The following ADAMTS14 variants were observed in gnomAD, a reference collection of about 807,000 sequenced individuals.
ADAMTS14 encodes ADAM metallopeptidase with thrombospondin type 1 motif 14.
In ADAMTS14, 100 loss-of-function variants were observed where a neutral mutation model predicts 128.6. That is an observed-to-expected ratio of 0.78 (90% CI 0.66 to 0.92). ADAMTS14 has a LOEUF of 0.92. Among genes scored for constraint, ADAMTS14 ranks in the 40% least tolerant of loss-of-function variants. ADAMTS14 has a pLI of 0.00. For synonymous variants in ADAMTS14, 665 were observed against 653.8 expected, an observed-to-expected ratio of 1.02 and a Z score of -0.26; for missense variants, 1,562 against 1,658.6, an observed-to-expected ratio of 0.94 and a Z score of 1.01.
intron 4 of ADAMTS14, among the ~76,000 whole-genome samples, chr10:70,726,546 C>T (rs1841434467): frequency 6.6e-6 from 1 of 152,204 alleles, no homozygotes; most frequent in African/African-American, 2.4e-5. Context: ...GCAGAGCGTG[C>T]ATTGCCTGTG....
rs543997377 is a variant in ADAMTS14, at chr10:70,742,201, T to C, written c.1924+1039T>C. On this transcript the variant is annotated intron_variant, in intron 12 of 21. Coordinates refer to ENST00000373207, the MANE Select transcript of ADAMTS14 (RefSeq NM_080722.4). ...GGGGAGCTCACCACTCCCTTCGCACTGTTGCTGCCCAGAGAGCTTCCGTTG... is the reference window on the plus strand; with the variant it reads ...GGGGAGCTCACCACTCCCTTCGCACCGTTGCTGCCCAGAGAGCTTCCGTTG... Among the ~76,000 whole-genome samples the C allele has an allele frequency of 1.0e-3, 156 of 152,272 alleles. 1 individual carries two copies. The highest frequency in any genetic ancestry group is 3.6e-3 in the African/African-American group (151 of 41,560).
At chr10:70,731,888 C>T (rs1426836523) in intron 6 of ADAMTS14, among the ~76,000 whole-genome samples, 1 of 152,160 alleles carries the variant, frequency 6.6e-6, no homozygotes. Flanking sequence ...TGGTACCTAA[C>T]ATAATGCTGC....
At chr10:70,694,666 T>C (rs1840283592) in intron 2 of ADAMTS14, among the ~76,000 whole-genome samples, 1 of 152,098 alleles carries the variant, frequency 6.6e-6, no homozygotes, top group African/African-American at 2.4e-5. Context: ...CTTCTTTCAC[T>C]TGGCATATTT....
chr10:70,702,455 C>A lies in ADAMTS14; in HGVS notation c.666C>A (p.Asp222Glu), dbSNP rs1490773178. The A allele has an allele frequency of 1.9e-6, 3 of 1,608,550 alleles. No homozygotes were observed. Among genetic ancestry groups the A allele is most frequent in the East Asian group, 4.5e-5 (2 of 44,856 alleles). Residue 222 changes from aspartate (D) to glutamate (E), a missense_variant, in exon 3 of 22, where the codon GAC becomes GAA. Transcript: ENST00000373207. ...VQQEWAEPDG[D>E]LHNEAFGLGD... ...AGGAGTGGGCAGAACCTGACGGGGA[C>A]CTGCACAATGAAGGTAGGCTGTAGG...
chr10:70,754,698 A>C (rs1271040670), intron 19 of ADAMTS14, among the ~76,000 whole-genome samples: 2 of 152,192 alleles, frequency 1.3e-5, no homozygotes, highest in African/African-American at 4.8e-5. Flanking sequence ...CGGGCTTTGC[A>C]AGGGGTTTGC....
chr10:70,715,049 G>A (rs1020224512), intron 4 of ADAMTS14, among the ~76,000 whole-genome samples: 1 of 151,604 alleles, frequency 6.6e-6, no homozygotes, highest in African/African-American at 2.4e-5. Flanking sequence ...CTTTAGGAAA[G>A]ACAAGTGGGT....
intron 12 of ADAMTS14, among the ~76,000 whole-genome samples, chr10:70,742,922 CT>C (rs34328003): frequency 6.6e-6 from 1 of 152,156 alleles, no homozygotes; most frequent in South Asian, 2.1e-4. Flanking sequence ...ACTTTTCTGC[CT>C]TTTTTTCACG....
intron 2 of ADAMTS14, among the ~76,000 whole-genome samples, chr10:70,696,525 G>A (rs1405737338): frequency 6.6e-6 from 1 of 152,176 alleles, no homozygotes; most frequent in Admixed American, 6.5e-5. Flanking sequence ...GGAGTAAGTG[G>A]ATGGTTGGGC....
intron 2 of ADAMTS14, among the ~76,000 whole-genome samples, chr10:70,681,507 A>T (rs1433671315): frequency 6.6e-6 from 1 of 152,152 alleles, no homozygotes; most frequent in Admixed American, 6.5e-5. Flanking sequence ...GGAGCCATGG[A>T]GGTTTGTAAA....
At chr10:70,690,594 G>A (rs762697360) in intron 2 of ADAMTS14, among the ~76,000 whole-genome samples, 3 of 145,250 alleles carry the variant, frequency 2.1e-5, no homozygotes, top group Admixed American at 1.4e-4. Context: ...GTGATCTCAC[G>A]TGGGAGGCAT....
rs1361792252 is a variant in ADAMTS14 at position 70,690,781 on chromosome 10, C to G, written c.523-11531C>G. On this transcript the variant is annotated intron_variant, in intron 2 of 21. Transcript: ENST00000373207. The stretch of plus-strand genomic sequence containing the variant: ...CAGCTGGTGTGCGTCTGAGTGGCAG[C>G]GTTCAAACTGCAGGGCCTCCACGCA... 2.8e-5 allele frequency among the ~76,000 whole-genome samples: 4 copies of G among 145,084 alleles called. 1 individual carries two copies. Among genetic ancestry groups the G allele is most frequent in the Non-Finnish European group, 6.3e-5 (4 of 63,414 alleles).
chr10:70,683,557 G>T (rs1466086458), intron 2 of ADAMTS14, among the ~76,000 whole-genome samples: 1 of 152,232 alleles, frequency 6.6e-6, no homozygotes, highest in African/African-American at 2.4e-5. Context: ...CAGGAGGTGG[G>T]CAGCACAGGC....
intron 3 of ADAMTS14, among the ~76,000 whole-genome samples, chr10:70,706,186 G>T (rs1221300324): frequency 6.6e-6 from 1 of 152,192 alleles, no homozygotes; most frequent in Non-Finnish European, 1.5e-5. Context: ...GATGCTGGCT[G>T]GTCCTCCCCA....
At chr10:70,708,488 A>AG in intron 3 of ADAMTS14, 100 bp from the exon 4 acceptor site, 5 of 1,043,782 alleles carry the variant, frequency 4.8e-6, no homozygotes, top group Non-Finnish European at 6.9e-6. Context: ...AGGCAGGGAA[A>AG]GGGGCACCAG....
chr10:70,744,373 C>A (rs1842109652), intron 14 of ADAMTS14, among the ~76,000 whole-genome samples, 184 bp downstream of exon 14: 1 of 152,194 alleles, frequency 6.6e-6, no homozygotes, highest in Non-Finnish European at 1.5e-5. Context: ...AGTCACCTCA[C>A]CTTTCAGGCA....
chr10:70,682,359 C>G (rs1023913076), intron 2 of ADAMTS14, among the ~76,000 whole-genome samples: 7 of 152,118 alleles, frequency 4.6e-5, no homozygotes, highest in Non-Finnish European at 1.0e-4. Flanking sequence ...AATTCTTAAG[C>G]CATTGTATGA....
intron 2 of ADAMTS14, among the ~76,000 whole-genome samples, chr10:70,678,102 T>C (rs535103467): frequency 6.6e-6 from 1 of 152,296 alleles, no homozygotes; most frequent in South Asian, 2.1e-4. Context: ...AGCATGCATA[T>C]GTGTATGTGC....
intron 5 of ADAMTS14, among the ~76,000 whole-genome samples, chr10:70,729,693 C>T (rs956938052): frequency 6.6e-6 from 1 of 152,088 alleles, no homozygotes; most frequent in Non-Finnish European, 1.5e-5. Context: ...CCCTGGTGCC[C>T]TGCGCTCTGC....
intron 3 of ADAMTS14, among the ~76,000 whole-genome samples, chr10:70,704,378 C>G (rs1434975186): frequency 6.6e-6 from 1 of 151,884 alleles, no homozygotes; most frequent in African/African-American, 2.4e-5. Flanking sequence ...ACACTGACAC[C>G]CACACTCACA....
Sources: allele counts gnomAD v4.1 joint callset (sites outside exome capture counted in the v4.1 genomes callset), GRCh38; gene constraint gnomAD v4.1.1; transcripts MANE v1.5; gene names NCBI Gene and HGNC (gene_info 2026-07-23, HGNC 2026-07-21).